EIF3H: variants seen among roughly 807,000 people sequenced by gnomAD.
The protein encoded by EIF3H is eukaryotic translation initiation factor 3 subunit H.
Under a neutral mutation model 44.2 loss-of-function variants are expected in EIF3H, and 26 were observed. The ratio of observed to expected loss-of-function variants is 0.59; its 90% CI spans 0.43 to 0.82. The LOEUF is 0.82. Ranked by LOEUF, EIF3H falls within the 40% of genes least tolerant of loss-of-function variation. The pLI is 0.00. For missense variants in EIF3H, 359 were observed against 432.8 expected (o/e 0.83, Z 1.51); for synonymous variants, 166 against 151.9 (o/e 1.09, Z -0.68).
chr8:116,657,238 T>C lies in EIF3H; in HGVS notation c.534A>G (p.Lys178=). The C allele has an allele frequency of 6.2e-7, 1 of 1,613,736 alleles. No individual in the cohort carries two copies. The highest frequency in any genetic ancestry group is 1.7e-5 in the Admixed American group (1 of 59,994). ...RLTPKLMEVC[K]EKDFSPEALK... is the part of the protein sequence containing the mutation. ...ACGCTTCAGGGGAAAAATCCTTTTC[T>C]TTACAAACTTCCATCAGTTTAGGAG... Residue 178 remains lysine (K), a synonymous_variant, in exon 4 of 8, where the codon AAA becomes AAG. Transcript: ENST00000521861.
At chr8:116,720,716 C>T (rs1241312660) in intron 2 of EIF3H, among the ~76,000 whole-genome samples, 2 of 152,066 alleles carry the variant, frequency 1.3e-5, no homozygotes, top group Non-Finnish European at 2.9e-5. Flanking sequence ...AACGAAAATC[C>T]AGGCTGAGGT....
At chr8:116,713,182 C>T (rs1814603503) in intron 2 of EIF3H, among the ~76,000 whole-genome samples, 1 of 152,000 alleles carries the variant, frequency 6.6e-6, no homozygotes, top group Non-Finnish European at 1.5e-5. Context: ...CATTTTTAGA[C>T]TTGGGGAAAC....
rs59899280 is a variant in EIF3H at position 116,674,067 on chromosome 8, CAAAAAAAAAAAAA to C, written c.290-15100_290-15088del. Among the ~76,000 whole-genome samples the C allele has an allele frequency of 1.1e-3, 56 of 49,668 alleles. 2 individuals are homozygous for C. The South Asian group carries it at 0.06, about 53-fold the overall frequency. 32.6% of individuals were successfully genotyped at this position (49,668 alleles called of 152,430 possible). ...CCTGGGGAACACAGCAAGACTGTCT[CAAAAAAAAAAAAA>C]AAAAAAAAAAAAAAAGATGAACACT... On this transcript the variant is annotated intron_variant, in intron 2 of 7. Coordinates refer to ENST00000521861, the MANE Select transcript of EIF3H (RefSeq NM_003756.3).
At chr8:116,687,139 T>G (rs973172405) in intron 2 of EIF3H, among the ~76,000 whole-genome samples, 4 of 152,070 alleles carry the variant, frequency 2.6e-5, no homozygotes, top group Non-Finnish European at 5.9e-5. Flanking sequence ...CTGCAGTAAT[T>G]CATGCACAAG....
At chr8:116,765,032 G>A (rs1358987623) in intron 1 of EIF3H, among the ~76,000 whole-genome samples, 1 of 152,122 alleles carries the variant, frequency 6.6e-6, no homozygotes, top group African/African-American at 2.4e-5. Flanking sequence ...AAGTGGCCAA[G>A]GAGCTGGTAG....
intron 2 of EIF3H, among the ~76,000 whole-genome samples, chr8:116,668,821 C>G (rs1586442676): frequency 6.6e-6 from 1 of 152,290 alleles, no homozygotes; most frequent in East Asian, 1.9e-4. Flanking sequence ...GCTTGGTGCA[C>G]TGGAAACCTC....
At chr8:116,685,447 A>G (rs1334056324) in intron 2 of EIF3H, among the ~76,000 whole-genome samples, 1 of 152,194 alleles carries the variant, frequency 6.6e-6, no homozygotes, top group Middle Eastern at 3.2e-3. Flanking sequence ...TATAATAAGT[A>G]TACTTCGGTT....
chr8:116,676,677 A>T (rs1441170482), intron 2 of EIF3H, among the ~76,000 whole-genome samples: 1 of 152,240 alleles, frequency 6.6e-6, no homozygotes, highest in Admixed American at 6.5e-5. Context: ...CAGTATTACT[A>T]ATGTAAATGG....
At chr8:116,746,720 G>A (rs538507476) in intron 1 of EIF3H, among the ~76,000 whole-genome samples, 1 of 152,288 alleles carries the variant, frequency 6.6e-6, no homozygotes, top group Non-Finnish European at 1.5e-5. Flanking sequence ...ATTATAAAAA[G>A]TTACTATTTG....
intron 2 of EIF3H, among the ~76,000 whole-genome samples, chr8:116,669,984 C>A (rs781442867): frequency 8.5e-5 from 13 of 152,054 alleles, no homozygotes; most frequent in South Asian, 2.1e-4. Flanking sequence ...CAAGCAGAAA[C>A]CTTCATGGCA....
intron 2 of EIF3H, among the ~76,000 whole-genome samples, chr8:116,706,841 G>A (rs1046911974): frequency 1.5e-4 from 23 of 152,108 alleles, no homozygotes; most frequent in African/African-American, 2.4e-4. Context: ...CACAGCACCC[G>A]GCCAACATTT....
chr8:116,715,330 C>G (rs1203221221), intron 2 of EIF3H, among the ~76,000 whole-genome samples: 1 of 149,982 alleles, frequency 6.7e-6, no homozygotes, highest in Non-Finnish European at 1.5e-5. Context: ...CAATTTTCTC[C>G]TACTGAAAAT....
intron 2 of EIF3H, among the ~76,000 whole-genome samples, chr8:116,681,434 A>T (rs1813987571): frequency 6.6e-6 from 1 of 152,092 alleles, no homozygotes; most frequent in Non-Finnish European, 1.5e-5. Context: ...TGGGAGGTCG[A>T]GGCGGGCGGA....
chr8:116,645,243 G>A, intron 7 of EIF3H, 140 bp from the exon 8 acceptor site: 3 of 649,264 alleles, frequency 4.6e-6, no homozygotes, highest in Non-Finnish European at 5.3e-6. Flanking sequence ...TTTCCATAAG[G>A]GATAAGAAAT....
At chr8:116,660,373 G>A (rs114090331) in intron 2 of EIF3H, among the ~76,000 whole-genome samples, 1,781 of 152,274 alleles carry the variant, frequency 0.012, 38 homozygotes, top group African/African-American at 0.04. Context: ...GGATCATAAA[G>A]TATAAAAGAG....
upstream of EIF3H, among the ~76,000 whole-genome samples, chr8:116,759,716 T>TGTGTGC (rs1198132804): frequency 6.6e-6 from 1 of 152,084 alleles, no homozygotes; most frequent in Non-Finnish European, 1.5e-5. Context: ...TGTATGTGTG[T>TGTGTGC]GTGTGCGTGT....
At chr8:116,670,961 G>A (rs1484088734) in intron 2 of EIF3H, among the ~76,000 whole-genome samples, 1 of 152,116 alleles carries the variant, frequency 6.6e-6, no homozygotes, top group Non-Finnish European at 1.5e-5. Context: ...AGTATATGAG[G>A]CGGAAGTAAA....
At chr8:116,713,570 A>C (rs956781037) in intron 2 of EIF3H, among the ~76,000 whole-genome samples, 1 of 152,148 alleles carries the variant, frequency 6.6e-6, no homozygotes, top group Admixed American at 6.5e-5. Context: ...TCAAACTGAA[A>C]GAACCAAAAA....
chr8:116,737,285 TC>T, intron 1 of EIF3H: 1 of 437,584 alleles, frequency 2.3e-6, no homozygotes, highest in African/African-American at 2.3e-5. Context: ...TGAAGGCATT[TC>T]CCTGGGGAAG....
Sources: gnomAD v4.1 joint callset for allele counts (sites outside exome capture counted in the v4.1 genomes callset) on GRCh38, gnomAD v4.1.1 for gene constraint, MANE v1.5 for transcripts, NCBI Gene and HGNC (gene_info 2026-07-23, HGNC 2026-07-21) for gene names.